The following DMXL1 variants were observed in gnomAD, a reference collection of about 807,000 sequenced individuals.
DMXL1 encodes Dmx like 1, also known as dmX-like protein 1.
DMXL1 carries 99 observed loss-of-function variants against 319.2 expected under a neutral mutation model. That is an observed-to-expected ratio of 0.31 (90% CI 0.26 to 0.37). The LOEUF is 0.37. DMXL1 is among the 10% of genes least tolerant of loss of function. The probability of loss-of-function intolerance (pLI) is 1.00; values close to 1 mark genes in which losing one functional copy is unlikely to be tolerated. For missense variants in DMXL1, 3,745 were observed against 3,595.6 expected, an observed-to-expected ratio of 1.04 and a Z score of -1.06; for synonymous variants, 1,385 against 1,235.2, an observed-to-expected ratio of 1.12 and a Z score of -2.54.
intron 7 of DMXL1, among the ~76,000 whole-genome samples, chr5:119,117,222 G>A (rs1345702359): frequency 1.3e-5 from 2 of 152,126 alleles, no homozygotes; most frequent in Middle Eastern, 3.4e-3. Context: ...CGGATTTTTT[G>A]TAGAGATGGG....
chr5:119,123,442 A>T (rs1393810368), intron 9 of DMXL1, among the ~76,000 whole-genome samples: 1 of 103,350 alleles, frequency 9.7e-6, no homozygotes, highest in Non-Finnish European at 1.9e-5. Context: ...AGGGAGAGGG[A>T]GAGGAGGGAG....
chr5:119,106,445 G>C (rs1265001102), intron 4 of DMXL1, among the ~76,000 whole-genome samples: 2 of 152,134 alleles, frequency 1.3e-5, no homozygotes, highest in Non-Finnish European at 1.5e-5. Flanking sequence ...ACGAAAGTGA[G>C]GGAAGGCACA....
intron 28 of DMXL1, among the ~76,000 whole-genome samples, chr5:119,182,980 T>C (rs1053006289): frequency 6.6e-6 from 1 of 152,196 alleles, no homozygotes; most frequent in African/African-American, 2.4e-5. Flanking sequence ...TTGTGTTTTG[T>C]GATACTTGCA....
In DMXL1 at chr5:119,129,409, T is replaced by C; in HGVS notation, c.1301T>C (p.Val434Ala). Residue 434 changes from valine to alanine, a missense_variant, in exon 10 of 44, where the codon GTA becomes GCA. Val to Ala is a moderately conservative substitution (Grantham distance 64). Transcript: ENST00000539542. ...ASVEDSNQAD[V>A]KSDEETDDGV... ...GTAGAAGATTCTAATCAGGCAGATG[T>C]AAAATCTGATGAAGGTAAACTTTAA... is the stretch of plus-strand genomic sequence containing the variant. 1.2e-6 allele frequency: 2 copies of C among 1,605,220 alleles called. No individual in the cohort carries two copies. Among genetic ancestry groups the C allele is most frequent in the Non-Finnish European group, 1.7e-6 (2 of 1,177,308 alleles).
intron 19 of DMXL1, among the ~76,000 whole-genome samples, chr5:119,160,105 T>A (rs1447505954): frequency 6.6e-6 from 1 of 152,086 alleles, no homozygotes; most frequent in Non-Finnish European, 1.5e-5. Context: ...TTTTGTTCCT[T>A]GATGTATAAT....
In DMXL1 at chr5:119,114,713, G is replaced by T. The variant is rs556081409; in HGVS notation, c.564+172G>T. Among the ~76,000 whole-genome samples the T allele has an allele frequency of 3.3e-5, 5 of 152,250 alleles. No homozygotes were observed. The South Asian group carries it at 8.3e-4, about 25-fold the overall frequency. ...TGATGGAGACTCACTCTGTCATCCA[G>T]ACTGGAGTGCAGTGGCACGATCTCG... On this transcript the variant is annotated intron_variant, in intron 6 of 43. Coordinates refer to ENST00000539542, the MANE Select transcript of DMXL1 (RefSeq NM_001290321.3).
At chr5:119,190,804 T>C (rs1024339629) in intron 29 of DMXL1, among the ~76,000 whole-genome samples, 1 of 152,188 alleles carries the variant, frequency 6.6e-6, no homozygotes, top group Non-Finnish European at 1.5e-5. Context: ...TGTTCAGAGA[T>C]AGTGACTTTG....
intron 23 of DMXL1, among the ~76,000 whole-genome samples, chr5:119,169,606 A>G (rs1351390395): frequency 1.3e-5 from 2 of 152,218 alleles, no homozygotes; most frequent in Non-Finnish European, 2.9e-5. Context: ...CACACTAAAT[A>G]AAAAGGCCCC....
intron 31 of DMXL1, among the ~76,000 whole-genome samples, 178 bp downstream of exon 31, chr5:119,196,634 G>A (rs1370553961): frequency 6.6e-6 from 1 of 151,580 alleles, no homozygotes; most frequent in African/African-American, 2.4e-5. Flanking sequence ...ATACTGTTAG[G>A]TGCTTGAGGA....
At chr5:119,227,405 T>A (rs1785792424) in intron 38 of DMXL1, among the ~76,000 whole-genome samples, 2 of 152,182 alleles carry the variant, frequency 1.3e-5, no homozygotes, top group Admixed American at 1.3e-4. Context: ...ATAAGATTTT[T>A]AAAAACCTCT....
intron 1 of DMXL1, among the ~76,000 whole-genome samples, chr5:119,085,367 T>TAAATAAATAAATAA (rs1753133647): frequency 6.7e-6 from 1 of 148,956 alleles, no homozygotes; most frequent in African/African-American, 2.5e-5. Flanking sequence ...TAAATAAATA[T>TAAATAAATAAATAA]AATAATAATA....
intron 9 of DMXL1, among the ~76,000 whole-genome samples, chr5:119,121,933 C>T (rs867235765): frequency 1.4e-5 from 2 of 147,186 alleles, no homozygotes; most frequent in African/African-American, 2.5e-5. Flanking sequence ...ACCTCCCTCC[C>T]GGACGGGGCG....
chr5:119,222,443 T>G (rs902602925), intron 37 of DMXL1, among the ~76,000 whole-genome samples: 1 of 152,200 alleles, frequency 6.6e-6, no homozygotes, highest in Non-Finnish European at 1.5e-5. Context: ...ACAGATATGT[T>G]ACAATTCATT....
At position 119,112,239 on chromosome 5, in the gene DMXL1, G is replaced by C. The variant is rs141461542; in HGVS notation, c.497+1956G>C. On this transcript the variant is annotated intron_variant, in intron 5 of 43. Transcript: ENST00000539542. ...GCCTCCCCAAGTGCTGGGATTACAGGCATGAGCCACCGTGCCCGGCCTGAT... is the reference window on the plus strand; with the variant it reads ...GCCTCCCCAAGTGCTGGGATTACAGCCATGAGCCACCGTGCCCGGCCTGAT... 1.9e-3 allele frequency among the ~76,000 whole-genome samples: 282 copies of C among 152,334 alleles called. 1 individual carries two copies. Among genetic ancestry groups the C allele is most frequent in the African/African-American group, 6.5e-3 (272 of 41,574 alleles).
intron 35 of DMXL1, among the ~76,000 whole-genome samples, chr5:119,217,584 G>A (rs1211245932): frequency 6.6e-6 from 1 of 151,904 alleles, no homozygotes; most frequent in Admixed American, 6.6e-5. Context: ...ATGACTTCTA[G>A]TTATTCTTTT....
intron 9 of DMXL1, among the ~76,000 whole-genome samples, chr5:119,128,870 C>T (rs1164039223): frequency 6.6e-6 from 1 of 152,086 alleles, no homozygotes; most frequent in African/African-American, 2.4e-5. Context: ...TCGAGACCAT[C>T]TTGGCCAGCG....
intron 7 of DMXL1, among the ~76,000 whole-genome samples, chr5:119,118,125 G>A (rs372976686): frequency 2.6e-5 from 4 of 152,158 alleles, no homozygotes; most frequent in African/African-American, 9.7e-5. Context: ...TTTTAAGGAG[G>A]TGGCAAAAAG....
chr5:119,216,827 TGATA>T, intron 34 of DMXL1, 70 bp from the exon 35 acceptor site: 3 of 775,670 alleles, frequency 3.9e-6, no homozygotes, highest in Non-Finnish European at 4.4e-6. Context: ...AAGTACTAAT[TGATA>T]GATTGGCATA....
In DMXL1 at chr5:119,149,662, A is replaced by C; in HGVS notation, c.3835A>C (p.Lys1279Gln). ...CTCCAGTTCTGGGTTACATCCTCCA[A>C]AGAAAACTCTGACTCGATCCATGAC... Reference protein sequence around the residue: ...SNSSSGLHPPKKTLTRSMTSL... With the variant: ...SNSSSGLHPPQKTLTRSMTSL... The change falls in exon 18 of 44, where the codon AAG becomes CAG. Residue 1279 changes from lysine (K) to glutamine (Q), a missense_variant. Around this residue, in one of 4 missense-constraint regions of DMXL1, gnomAD observed 2,096 missense variants for 1,985.4 expected, o/e 1.06. Coordinates refer to ENST00000539542, the MANE Select transcript of DMXL1 (RefSeq NM_001290321.3). 1 of 1,613,982 alleles carries C rather than the reference A, an allele frequency of 6.2e-7. No homozygotes were observed.
Sources: allele counts gnomAD v4.1 joint callset (sites outside exome capture counted in the v4.1 genomes callset), GRCh38; gene constraint gnomAD v4.1.1; regional missense constraint gnomAD v4.1.1; transcripts MANE v1.5; gene names NCBI Gene and HGNC (gene_info 2026-07-23, HGNC 2026-07-21).